The following TOX3 variants were observed in gnomAD, a reference collection of about 807,000 sequenced individuals.
TOX3 encodes CAG trinucleotide repeat-containing gene F9 protein.
In TOX3, 22 loss-of-function variants were observed where a neutral mutation model predicts 64.3. The observed-to-expected ratio is 0.34, with a 90% CI of 0.24 to 0.49. The LOEUF (loss-of-function observed/expected upper bound fraction) is 0.49, where lower values mean the gene tolerates loss of function less well. TOX3 is among the 20% of genes least tolerant of loss of function. The pLI, the probability that TOX3 is intolerant of heterozygous loss-of-function variation, is 0.99. For synonymous variants in TOX3, 291 were observed against 273.6 expected (o/e 1.06, Z -0.63); for missense variants, 661 against 714.4 (o/e 0.93, Z 0.85).
At chr16:52,448,824 TC>T (rs35918800) in intron 4 of TOX3, among the ~76,000 whole-genome samples, 34,967 of 152,052 alleles carry the variant, frequency 0.23, 5,220 homozygotes, top group East Asian at 0.71. Context: ...TAGTTCCAGT[TC>T]CCCATGACTG....
chr16:52,542,549 A>G (rs1431278919), intron 1 of TOX3, among the ~76,000 whole-genome samples: 4 of 152,208 alleles, frequency 2.6e-5, no homozygotes, highest in Non-Finnish European at 4.4e-5. Context: ...TTGGCATGGC[A>G]ACACTCTACT....
chr16:52,488,721 T>G (rs753412092), intron 1 of TOX3, among the ~76,000 whole-genome samples: 1 of 152,176 alleles, frequency 6.6e-6, no homozygotes, highest in Non-Finnish European at 1.5e-5. Flanking sequence ...ATTGACTCAT[T>G]TATTCAACAA....
At chr16:52,536,603 C>T (rs1166307971) in intron 1 of TOX3, among the ~76,000 whole-genome samples, 3 of 121,868 alleles carry the variant, frequency 2.5e-5, no homozygotes, top group African/African-American at 9.5e-5. Flanking sequence ...TCCCCAACAT[C>T]TTTTCTACTG....
chr16:52,464,092 C>T lies in TOX3; in HGVS notation c.250G>A (p.Val84Ile), dbSNP rs755462093. The T allele has an allele frequency of 5.6e-6, 9 of 1,603,022 alleles. No homozygotes were observed. In the South Asian group the frequency reaches 9.0e-5, roughly 16 times the overall value. Residue 84 changes from valine (V) to isoleucine (I), a missense_variant, in exon 3 of 7, where the codon GTA becomes ATA. Transcript: ENST00000219746. ...ESDPALGMPD[V>I]LLPFQALSDP... ...CTGAGGGCTTGAAAGGGTAGCAGTACATCCGGCATGCCTAGGGCAGGGTCT... is the reference window on the plus strand; with the variant it reads ...CTGAGGGCTTGAAAGGGTAGCAGTATATCCGGCATGCCTAGGGCAGGGTCT...
rs1231816685 is a variant in TOX3, at chr16:52,492,418, TA to T, written c.88-23845del. ...AATTATCAAATATTATCATCATGAA[TA>T]TTATATATATATTAGTTTGAAAAAT... On this transcript the variant is annotated intron_variant, in intron 1 of 6. Transcript: ENST00000219746. 2.7e-5 allele frequency among the ~76,000 whole-genome samples: 4 copies of T among 145,904 alleles called. 1 individual carries two copies. The Admixed American group carries it at 2.8e-4, about 10-fold the overall frequency.
chr16:52,517,447 T>C (rs1416875230), intron 1 of TOX3, among the ~76,000 whole-genome samples: 1 of 151,900 alleles, frequency 6.6e-6, no homozygotes, highest in Non-Finnish European at 1.5e-5. Flanking sequence ...GGCAAAGTAT[T>C]CTCTTGTCAT....
At chr16:52,481,742 A>C (rs1261790662) in intron 1 of TOX3, among the ~76,000 whole-genome samples, 1 of 152,242 alleles carries the variant, frequency 6.6e-6, no homozygotes, top group Non-Finnish European at 1.5e-5. Flanking sequence ...GCTTTTGCTC[A>C]CACTGCAAGA....
intron 1 of TOX3, among the ~76,000 whole-genome samples, chr16:52,501,240 T>G (rs1399262676): frequency 6.6e-6 from 1 of 152,230 alleles, no homozygotes; most frequent in African/African-American, 2.4e-5. Context: ...TACTGTCTCT[T>G]TAATAACATG....
chr16:52,509,948 T>C (rs1962258019), intron 1 of TOX3, among the ~76,000 whole-genome samples: 1 of 152,132 alleles, frequency 6.6e-6, no homozygotes, highest in Admixed American at 6.5e-5. Flanking sequence ...ATTCAAGAGA[T>C]GAGTCTAAAA....
At chr16:52,462,777 G>A (rs1425859355) in intron 3 of TOX3, among the ~76,000 whole-genome samples, 1 of 151,640 alleles carries the variant, frequency 6.6e-6, no homozygotes, top group Non-Finnish European at 1.5e-5. Context: ...TATTTGTGAT[G>A]TCTAGTAACG....
At chr16:52,464,838 C>T (rs1379970941) in intron 2 of TOX3, among the ~76,000 whole-genome samples, 1 of 151,858 alleles carries the variant, frequency 6.6e-6, no homozygotes, top group East Asian at 1.9e-4. Flanking sequence ...TTTACATGAA[C>T]ATTTTAATAT....
At chr16:52,512,011 T>G (rs192067235) in intron 1 of TOX3, among the ~76,000 whole-genome samples, 2 of 152,170 alleles carry the variant, frequency 1.3e-5, no homozygotes, top group Non-Finnish European at 2.9e-5. Flanking sequence ...ACGTTGCCTA[T>G]TCCTCAACTT....
chr16:52,533,526 C>A lies in TOX3; in HGVS notation c.87+13111G>T, dbSNP rs372886724. Among the ~76,000 whole-genome samples, 13 of 152,282 alleles carry A rather than the reference C, an allele frequency of 8.5e-5. 1 individual carries two copies. In the South Asian group the frequency reaches 2.5e-3, roughly 29 times the overall value. ...CTTTTCAACAGAGTTCAACAGAGAGCAGAGCCTTAGGCAAGCAAGGTCTCC... is the reference window on the plus strand; with the variant it reads ...CTTTTCAACAGAGTTCAACAGAGAGAAGAGCCTTAGGCAAGCAAGGTCTCC... On this transcript the variant is annotated intron_variant, in intron 1 of 6. Transcript: ENST00000219746.
intron 1 of TOX3, chr16:52,519,424 C>G: frequency 2.6e-6 from 4 of 1,551,450 alleles, no homozygotes; most frequent in Non-Finnish European, 2.6e-6. Context: ...AGGTAGTTAT[C>G]AGGTAATGAA....
intron 1 of TOX3, among the ~76,000 whole-genome samples, chr16:52,492,650 C>T (rs1474673796): frequency 7.2e-6 from 1 of 139,494 alleles, no homozygotes; most frequent in Non-Finnish European, 1.5e-5. Context: ...TTTTCATATA[C>T]TGAATCTGAG....
At position 52,439,351 on chromosome 16, in the gene TOX3, A is replaced by G. The variant is rs9925256; in HGVS notation, c.1605T>C (p.Pro535=). 0.48 allele frequency: 768,339 copies of G among 1,610,050 alleles called. 188,053 individuals are homozygous for G. The highest frequency in any genetic ancestry group is 0.74 in the African/African-American group (55,511 of 74,818). ...TGGGGGATGTTATCTGAGAGGCGAC[A>G]GGGGAGTGCTGCCGAGGAGAAGGCT... ...QSQPSPRQHS[P]VASQITSPIP... Residue 535 remains proline (P), a synonymous_variant, in exon 7 of 7, where the codon CCT becomes CCC. Transcript: ENST00000219746.
At chr16:52,460,356 A>G (rs1250863552) in intron 3 of TOX3, among the ~76,000 whole-genome samples, 1 of 152,194 alleles carries the variant, frequency 6.6e-6, no homozygotes, top group Non-Finnish European at 1.5e-5. Context: ...AAAATATCAG[A>G]CCAGAGACAA....
At chr16:52,542,214 T>C (rs1963090231) in intron 1 of TOX3, among the ~76,000 whole-genome samples, 1 of 152,264 alleles carries the variant, frequency 6.6e-6, no homozygotes. Flanking sequence ...TTCACAGGTG[T>C]CACAAATTTC....
chr16:52,440,044 A>G (rs1176693513), intron 6 of TOX3, 76 bp from the exon 7 acceptor site: 1 of 1,244,968 alleles, frequency 8.0e-7, no homozygotes, highest in Non-Finnish European at 1.1e-6. Context: ...TTTAGATATT[A>G]TAAATTGATT....
Sources: gnomAD v4.1 joint callset for allele counts (sites outside exome capture counted in the v4.1 genomes callset) on GRCh38, gnomAD v4.1.1 for gene constraint, MANE v1.5 for transcripts, NCBI Gene and HGNC (gene_info 2026-07-23, HGNC 2026-07-21) for gene names.